Variants in TMEM266 observed in about 807,000 individuals in gnomAD.
The protein encoded by TMEM266 is Hv1 related protein 1.
In TMEM266, 33 loss-of-function variants were observed where a neutral mutation model predicts 50.5. The observed-to-expected ratio is 0.65, with a 90% confidence interval of 0.50 to 0.87. The LOEUF is 0.87. Among genes scored for constraint, TMEM266 ranks in the 40% least tolerant of loss-of-function variants. The pLI, the probability that TMEM266 is intolerant of heterozygous loss-of-function variation, is 0.00. For synonymous variants in TMEM266, 310 were observed against 292.3 expected, an observed-to-expected ratio of 1.06 and a Z score of -0.62; for missense variants, 655 against 695.1, an observed-to-expected ratio of 0.94 and a Z score of 0.65.
chr15:76,170,592 G>A (rs1348190666), intron 6 of TMEM266, among the ~76,000 whole-genome samples: 1 of 152,202 alleles, frequency 6.6e-6, no homozygotes. Flanking sequence ...TGAGATGCGG[G>A]TTCCGGGCTC....
chr15:76,071,773 G>A (rs2036543226), intron 1 of TMEM266, among the ~76,000 whole-genome samples: 1 of 152,210 alleles, frequency 6.6e-6, no homozygotes, highest in Non-Finnish European at 1.5e-5. Flanking sequence ...GGGGGACAGA[G>A]AGGAGGAGAG....
chr15:76,152,542 T>C (rs2955747), intron 3 of TMEM266, among the ~76,000 whole-genome samples: 96,934 of 152,008 alleles, frequency 0.64, 31,127 homozygotes, highest in Admixed American at 0.74. Context: ...CTCCTCCCGG[T>C]CCAGCTCCTG....
At chr15:76,127,657 T>G (rs1287817405) in intron 1 of TMEM266, among the ~76,000 whole-genome samples, 2 of 152,162 alleles carry the variant, frequency 1.3e-5, no homozygotes, top group Non-Finnish European at 2.9e-5. Flanking sequence ...CACTGCTAGG[T>G]ATACTGTTGT....
At chr15:76,073,302 G>A (rs1567140945) in intron 1 of TMEM266, among the ~76,000 whole-genome samples, 3 of 150,918 alleles carry the variant, frequency 2.0e-5, no homozygotes, top group South Asian at 2.1e-4. Context: ...GTGCGATCTC[G>A]GCTCACTGCA....
At chr15:76,109,213 G>A (rs1409489268) in intron 1 of TMEM266, 1 of 152,376 alleles carries the variant, frequency 6.6e-6, no homozygotes, top group Non-Finnish European at 1.5e-5. Context: ...CAGAATGCAG[G>A]AGTTGGCAAG....
chr15:76,140,263 G>A (rs902888092), intron 3 of TMEM266, among the ~76,000 whole-genome samples: 13 of 152,198 alleles, frequency 8.5e-5, no homozygotes, highest in African/African-American at 3.1e-4. Flanking sequence ...GGAAGGAAGC[G>A]CAGGCACAGG....
chr15:76,063,634 T>C (rs2036350764), intron 1 of TMEM266, among the ~76,000 whole-genome samples: 1 of 152,218 alleles, frequency 6.6e-6, no homozygotes, highest in East Asian at 1.9e-4. Flanking sequence ...CCTCCTAGCC[T>C]ACTATATTAA....
At chr15:76,156,804 A>G in intron 4 of TMEM266, 46 bp downstream of exon 4, 1 of 1,590,908 alleles carries the variant, frequency 6.3e-7, no homozygotes, top group Non-Finnish European at 8.6e-7. Context: ...TGATGTCAAT[A>G]TTCAATGTGC....
intron 1 of TMEM266, among the ~76,000 whole-genome samples, chr15:76,096,695 T>G (rs530916376): frequency 1.9e-4 from 29 of 152,150 alleles, no homozygotes; most frequent in Admixed American, 1.5e-3. Context: ...TGTCTAATAC[T>G]GACAGGTGGG....
chr15:76,199,222 G>A (rs1465562506), intron 9 of TMEM266, among the ~76,000 whole-genome samples: 2 of 152,230 alleles, frequency 1.3e-5, no homozygotes, highest in Non-Finnish European at 2.9e-5. Context: ...GAGAAACCGA[G>A]TTCTATTTTG....
chr15:76,191,909 G>C (rs1412647011), intron 8 of TMEM266, 59 bp from the exon 9 acceptor site: 4 of 1,479,088 alleles, frequency 2.7e-6, no homozygotes, highest in Non-Finnish European at 3.6e-6. Context: ...CAGAGGTCAG[G>C]CTGGAGGCCC....
intron 8 of TMEM266, among the ~76,000 whole-genome samples, chr15:76,189,978 G>A (rs1282586651): frequency 1.3e-5 from 2 of 152,216 alleles, no homozygotes; most frequent in Non-Finnish European, 2.9e-5. Context: ...ACATTGGGAG[G>A]CTGTCCAGTG....
intron 1 of TMEM266, among the ~76,000 whole-genome samples, chr15:76,068,067 T>G (rs1223727561): frequency 6.6e-6 from 1 of 152,132 alleles, no homozygotes; most frequent in East Asian, 1.9e-4. Flanking sequence ...TCTTAGAAAA[T>G]TTAGCTGGAG....
intron 1 of TMEM266, among the ~76,000 whole-genome samples, chr15:76,065,076 T>C (rs1475311253): frequency 2.6e-5 from 4 of 152,254 alleles, no homozygotes; most frequent in Non-Finnish European, 1.5e-5. Flanking sequence ...TGACAGTTAC[T>C]AATTCTCCTT....
chr15:76,088,126 T>C (rs541736889), intron 1 of TMEM266, among the ~76,000 whole-genome samples: 2 of 152,334 alleles, frequency 1.3e-5, no homozygotes, highest in South Asian at 2.1e-4. Flanking sequence ...AGTCCTGTCC[T>C]CTTTTCTTCC....
At chr15:76,138,222 CAAAAAAAAAAAAAAA>C (rs376580547) in intron 3 of TMEM266, among the ~76,000 whole-genome samples, 1 of 71,882 alleles carries the variant, frequency 1.4e-5, no homozygotes, top group Non-Finnish European at 2.7e-5. Flanking sequence ...AACTCTGTCT[CAAAAAAAAAAAAAAA>C]AAAAAAAAAA....
At chr15:76,186,877 G>A (rs1009530589) in intron 8 of TMEM266, among the ~76,000 whole-genome samples, 1 of 152,168 alleles carries the variant, frequency 6.6e-6, no homozygotes, top group Non-Finnish European at 1.5e-5. Flanking sequence ...TGTGGCTCCA[G>A]GCTCTGCCTG....
Position 76,171,256 on chromosome 15 carries a change from G to T in TMEM266, c.652+125G>T, listed in dbSNP as rs747177748. 198 of 1,341,688 alleles carry T rather than the reference G, an allele frequency of 1.5e-4. 1 individual carries two copies. Among genetic ancestry groups the T allele is most frequent in the Non-Finnish European group, 1.9e-4 (193 of 999,808 alleles). 83.1% of individuals were successfully genotyped at this position (1,341,688 alleles called of 1,614,324 possible). A position where few individuals can be genotyped will look rare whatever the true frequency, so the allele number is the denominator to read the frequency against. Reference sequence around the variant, plus strand: ...GTCAGGACGGAAGGTGAAACTGTCGGCAGGGAGAGGGGCCAGCTGTCCCTG... The same window carrying T: ...GTCAGGACGGAAGGTGAAACTGTCGTCAGGGAGAGGGGCCAGCTGTCCCTG... On this transcript the variant is annotated intron_variant, in intron 7 of 10. Coordinates refer to ENST00000388942, the MANE Select transcript of TMEM266 (RefSeq NM_152335.3).
intron 1 of TMEM266, among the ~76,000 whole-genome samples, chr15:76,124,010 G>T (rs118002495): frequency 0.045 from 6,860 of 152,216 alleles, 496 homozygotes; most frequent in East Asian, 0.22. Flanking sequence ...ACCGTGTCCG[G>T]TCCCAAGGGA....
Sources: allele counts gnomAD v4.1 joint callset (sites outside exome capture counted in the v4.1 genomes callset), GRCh38; gene constraint gnomAD v4.1.1; transcripts MANE v1.5; gene names NCBI Gene and HGNC (gene_info 2026-07-23, HGNC 2026-07-21).